Variants in UBE2F observed in about 807,000 individuals in gnomAD.
UBE2F encodes the protein NEDD8-conjugating enzyme UBE2F.
UBE2F carries 5 observed loss-of-function variants against 29.6 expected under a neutral mutation model. The observed-to-expected ratio is 0.17, with a 90% CI of 0.09 to 0.36. The LOEUF is 0.36. UBE2F is among the 10% of genes least tolerant of loss of function. The pLI is 1.00. For missense variants in UBE2F, 141 were observed against 228.5 expected (o/e 0.62, Z 2.47); for synonymous variants, 66 against 81.8 (o/e 0.81, Z 1.04).
intron 6 of UBE2F, 94 bp from the exon 7 acceptor site, chr2:238,030,461 AG>A: frequency 1.2e-6 from 1 of 811,030 alleles, no homozygotes. Flanking sequence ...TAAAAAGTAG[AG>A]CTCCTGCATG....
intron 6 of UBE2F, among the ~76,000 whole-genome samples, chr2:238,029,306 C>T (rs1323756833): frequency 2.0e-5 from 3 of 151,750 alleles, no homozygotes; most frequent in Non-Finnish European, 4.4e-5. Flanking sequence ...AACCCAGTTA[C>T]GGCTGGGCGT....
intron 4 of UBE2F, among the ~76,000 whole-genome samples, chr2:237,996,679 T>C (rs916208323): frequency 6.6e-6 from 1 of 152,110 alleles, no homozygotes; most frequent in Non-Finnish European, 1.5e-5. Context: ...TTTCACTGTG[T>C]TGGCCAGGCT....
intron 4 of UBE2F, among the ~76,000 whole-genome samples, chr2:238,007,151 T>C (rs1457579458): frequency 6.6e-6 from 1 of 152,152 alleles, no homozygotes; most frequent in Non-Finnish European, 1.5e-5. Context: ...AGACAGAGTC[T>C]TGCTCTATCG....
intron 5 of UBE2F, among the ~76,000 whole-genome samples, chr2:238,023,580 G>T (rs893427480): frequency 6.6e-6 from 1 of 152,160 alleles, no homozygotes; most frequent in Non-Finnish European, 1.5e-5. Context: ...TGGCATCAAA[G>T]ATAAAAATTT....
At chr2:237,997,143 C>T (rs2063708191) in intron 4 of UBE2F, among the ~76,000 whole-genome samples, 1 of 152,116 alleles carries the variant, frequency 6.6e-6, no homozygotes, top group Admixed American at 6.6e-5. Context: ...AGGAGAATTG[C>T]TTGAACCCAG....
chr2:237,992,647 G>C (rs981700994), intron 3 of UBE2F, among the ~76,000 whole-genome samples: 1 of 152,156 alleles, frequency 6.6e-6, no homozygotes, highest in East Asian at 1.9e-4. Context: ...GCATGAGGTA[G>C]GGGAAGGAGT....
chr2:238,021,654 C>T (rs938669878), intron 5 of UBE2F, among the ~76,000 whole-genome samples: 4 of 152,208 alleles, frequency 2.6e-5, no homozygotes, highest in Non-Finnish European at 5.9e-5. Context: ...CACTGGTTGA[C>T]CAACCTTTTG....
chr2:238,009,290 G>A (rs1001391540), intron 4 of UBE2F, among the ~76,000 whole-genome samples: 1 of 152,046 alleles, frequency 6.6e-6, no homozygotes, highest in African/African-American at 2.4e-5. Flanking sequence ...AAATAATTTG[G>A]CCAACATTTC....
intron 5 of UBE2F, among the ~76,000 whole-genome samples, chr2:238,024,122 C>G (rs750780822): frequency 6.6e-5 from 10 of 152,182 alleles, no homozygotes; most frequent in Non-Finnish European, 1.3e-4. Flanking sequence ...TGCATGCACA[C>G]TATGTGTGTG....
Position 238,025,526 on chromosome 2 carries a change from A to G in UBE2F, c.353+114A>G, listed in dbSNP as rs1005490567. ...TTTTGAGGCATGGCCAAGATTAGGAAGGGCTTGAACTCAGCTGAAGTAGCT... is the reference window on the plus strand; with the variant it reads ...TTTTGAGGCATGGCCAAGATTAGGAGGGGCTTGAACTCAGCTGAAGTAGCT... On this transcript the variant is annotated intron_variant, in intron 6 of 9. Coordinates refer to ENST00000272930, the MANE Select transcript of UBE2F (RefSeq NM_080678.3). 5 of 987,104 alleles carry G rather than the reference A, an allele frequency of 5.1e-6. No homozygotes were observed. In the African/African-American group the frequency reaches 8.1e-5, roughly 16 times the overall value. The allele number at this position is 987,104 out of a possible 1,614,324, so 61.1% of individuals were successfully genotyped here.
In UBE2F at chr2:238,041,268, C is replaced by A; in HGVS notation, c.508-20C>A. 2.5e-6 allele frequency: 4 copies of A among 1,612,636 alleles called. No homozygotes were observed. Among genetic ancestry groups the A allele is most frequent in the Non-Finnish European group, 3.4e-6 (4 of 1,178,718 alleles). On this transcript the variant is annotated intron_variant, in intron 9 of 9. Coordinates refer to ENST00000272930, the MANE Select transcript of UBE2F (RefSeq NM_080678.3). Reference sequence around the variant, plus strand: ...ACTCCTCCTGTTCTTCTTTCTGTCCCCAATGCTGTTACTCCACAGGAGGAC... The same window carrying A: ...ACTCCTCCTGTTCTTCTTTCTGTCCACAATGCTGTTACTCCACAGGAGGAC...
In UBE2F at chr2:237,980,877, T is replaced by C. The variant is rs542508356; in HGVS notation, c.119-7086T>C. 4.6e-5 allele frequency among the ~76,000 whole-genome samples: 7 copies of C among 152,060 alleles called. No homozygotes were observed. The South Asian group carries it at 1.5e-3, about 32-fold the overall frequency. On this transcript the variant is annotated intron_variant, in intron 2 of 9. Transcript: ENST00000272930. ...CGGCAAGGAGCCAGCAGGAGCCCTG[T>C]GTTAGGGCCAGGGCAGGAGAAGGTG...
chr2:237,969,482 G>A (rs1053013613), intron 1 of UBE2F, among the ~76,000 whole-genome samples: 1 of 152,200 alleles, frequency 6.6e-6, no homozygotes, highest in Non-Finnish European at 1.5e-5. Flanking sequence ...TCAAGCAGTT[G>A]TGCTTTTATT....
chr2:238,028,905 AGCTTG>A (rs1299676083), intron 6 of UBE2F: 1 of 110,984 alleles, frequency 9.0e-6, no homozygotes, highest in African/African-American at 3.4e-5. Context: ...TCCAGAAGGA[AGCTTG>A]GCAATAAATT....
At chr2:238,039,045 G>A (rs1027729385) in intron 9 of UBE2F, among the ~76,000 whole-genome samples, 2 of 152,196 alleles carry the variant, frequency 1.3e-5, no homozygotes, top group African/African-American at 2.4e-5. Flanking sequence ...GACCAGCCTG[G>A]CCAACATGGT....
At chr2:238,016,072 A>G (rs375363364) in intron 4 of UBE2F, among the ~76,000 whole-genome samples, 1 of 152,216 alleles carries the variant, frequency 6.6e-6, no homozygotes, top group East Asian at 1.9e-4. Flanking sequence ...TGATTCTGTC[A>G]GGTTCACTGC....
intron 8 of UBE2F, chr2:238,035,673 A>G: frequency 3.7e-6 from 2 of 535,508 alleles, no homozygotes; most frequent in Non-Finnish European, 6.7e-6. Flanking sequence ...TCTTTCAGTC[A>G]GTTGTCAGTC....
chr2:237,983,802 C>T (rs570504831), intron 2 of UBE2F, among the ~76,000 whole-genome samples: 1 of 152,258 alleles, frequency 6.6e-6, no homozygotes, highest in East Asian at 1.9e-4. Flanking sequence ...CCCCTTGGAC[C>T]CTCTGTGCTC....
At chr2:237,992,675 T>C (rs367682674) in intron 3 of UBE2F, among the ~76,000 whole-genome samples, 2 of 152,206 alleles carry the variant, frequency 1.3e-5, no homozygotes, top group Admixed American at 6.5e-5. Flanking sequence ...TAGTTATTAA[T>C]GTAGGAATTA....
Sources: allele counts gnomAD v4.1 joint callset (sites outside exome capture counted in the v4.1 genomes callset), GRCh38; gene constraint gnomAD v4.1.1; transcripts MANE v1.5; gene names NCBI Gene and HGNC (gene_info 2026-07-23, HGNC 2026-07-21).